RIN2: variants seen among roughly 807,000 people sequenced by gnomAD.
RIN2 encodes RAB5 interacting protein 2.
A neutral mutation model predicts 78.0 loss-of-function variants in RIN2; 36 were observed. The observed-to-expected ratio is 0.46, with a 90% confidence interval of 0.35 to 0.61. The LOEUF (loss-of-function observed/expected upper bound fraction) is 0.61, where lower values mean the gene tolerates loss of function less well. Ranked by LOEUF, RIN2 falls within the 20% of genes least tolerant of loss-of-function variation. The pLI, the probability that RIN2 is intolerant of heterozygous loss-of-function variation, is 0.00. For missense variants in RIN2, 1,087 were observed against 1,159.7 expected (o/e 0.94, Z 0.91); for synonymous variants, 466 against 466.8 (o/e 1.00, Z 0.02).
At chr20:19,762,665 C>G (rs181888631) in intron 1 of RIN2, among the ~76,000 whole-genome samples, 1 of 152,082 alleles carries the variant, frequency 6.6e-6, no homozygotes, top group Non-Finnish European at 1.5e-5. Flanking sequence ...TTAGCCAAGC[C>G]GTGGAGTTCA....
intron 3 of RIN2, among the ~76,000 whole-genome samples, chr20:19,905,737 A>G (rs1288079063): frequency 6.6e-6 from 1 of 152,222 alleles, no homozygotes. Context: ...CATCTCTAAC[A>G]AAAAACAAAT....
chr20:19,863,620 C>A (rs1353485853), intron 2 of RIN2, among the ~76,000 whole-genome samples: 1 of 152,220 alleles, frequency 6.6e-6, no homozygotes, highest in African/African-American at 2.4e-5. Flanking sequence ...TCATCCTCCT[C>A]TTTCCTGCCT....
chr20:19,758,624 C>A (rs1469079054), intron 1 of RIN2, among the ~76,000 whole-genome samples: 1 of 152,036 alleles, frequency 6.6e-6, no homozygotes, highest in African/African-American at 2.4e-5. Context: ...CTGACCTGTG[C>A]GGGGCTGGGG....
chr20:19,911,505 CA>C (rs1189186277), intron 3 of RIN2, among the ~76,000 whole-genome samples: 3 of 152,194 alleles, frequency 2.0e-5, no homozygotes, highest in Non-Finnish European at 4.4e-5. Flanking sequence ...TTCTGAGGAA[CA>C]AGGACATTCT....
rs545323465 is a variant in RIN2, at chr20:19,912,475, C to CTTTTTT, written c.58-22609_58-22604dup. On this transcript the variant is annotated intron_variant, in intron 3 of 12. Transcript: ENST00000255006. The stretch of plus-strand genomic sequence containing the variant: ...TCATTTCTTTTTTCTTTTTCTTTTT[C>CTTTTTT]TTTTTTTTTTTTTTTTTTTTGAGAT... 4.9e-3 allele frequency among the ~76,000 whole-genome samples: 540 copies of CTTTTTT among 110,812 alleles called. 2 individuals are homozygous for CTTTTTT. The highest frequency in any genetic ancestry group is 6.7e-3 in the Non-Finnish European group (383 of 57,184). 72.7% of individuals were successfully genotyped at this position (110,812 alleles called of 152,430 possible).
intron 3 of RIN2, among the ~76,000 whole-genome samples, chr20:19,923,469 T>TA (rs144067000): frequency 0.021 from 2,071 of 96,828 alleles, 53 homozygotes; most frequent in African/African-American, 0.075. Context: ...TAAAATAAAA[T>TA]AAATAAAATA....
chr20:19,816,932 T>A (rs922791263), intron 2 of RIN2, among the ~76,000 whole-genome samples: 2 of 152,198 alleles, frequency 1.3e-5, no homozygotes, highest in Non-Finnish European at 2.9e-5. Context: ...TTTATCATAA[T>A]ATACTGTGTA....
chr20:19,831,933 T>C (rs907843586), intron 2 of RIN2, among the ~76,000 whole-genome samples: 1 of 152,208 alleles, frequency 6.6e-6, no homozygotes, highest in Non-Finnish European at 1.5e-5. Flanking sequence ...GTATTGGTTC[T>C]ACCATACAGA....
At chr20:19,998,560 A>G (rs1011721178) in intron 12 of RIN2, among the ~76,000 whole-genome samples, 1 of 152,156 alleles carries the variant, frequency 6.6e-6, no homozygotes, top group African/African-American at 2.4e-5. Context: ...ACAGTGAGCC[A>G]TGATCACACC....
intron 2 of RIN2, among the ~76,000 whole-genome samples, chr20:19,845,435 G>A (rs1244360984): frequency 4.6e-5 from 7 of 152,168 alleles, no homozygotes; most frequent in Non-Finnish European, 8.8e-5. Context: ...TCTAACTGGT[G>A]TGAGATGGTA....
chr20:19,998,931 A>T (rs892008885), intron 12 of RIN2, among the ~76,000 whole-genome samples: 3 of 152,080 alleles, frequency 2.0e-5, no homozygotes, highest in African/African-American at 7.2e-5. Context: ...AGACCCTCAG[A>T]CACCATAGAG....
At chr20:19,791,988 C>T (rs73901292) in intron 1 of RIN2, among the ~76,000 whole-genome samples, 364 of 152,286 alleles carry the variant, frequency 2.4e-3, no homozygotes, top group African/African-American at 8.4e-3. Flanking sequence ...CCTTCCCTCC[C>T]CCATCCAGCT....
At chr20:19,929,551 G>A (rs1239523174) in intron 3 of RIN2, among the ~76,000 whole-genome samples, 1 of 152,020 alleles carries the variant, frequency 6.6e-6, no homozygotes, top group East Asian at 1.9e-4. Flanking sequence ...TAGTAGAGAT[G>A]GGATTTTATC....
At chr20:19,986,550 T>C (rs2042629498) in intron 9 of RIN2, among the ~76,000 whole-genome samples, 1 of 152,182 alleles carries the variant, frequency 6.6e-6, no homozygotes, top group Non-Finnish European at 1.5e-5. Context: ...AAGGGTGGAA[T>C]TCCCCTCGAA....
intron 9 of RIN2, among the ~76,000 whole-genome samples, chr20:19,976,743 G>A (rs1568693511): frequency 1.3e-5 from 2 of 152,134 alleles, no homozygotes; most frequent in South Asian, 2.1e-4. Context: ...ATTTCCAGGC[G>A]GTTCAGAAGC....
At chr20:19,883,887 G>C (rs943164135) in intron 2 of RIN2, among the ~76,000 whole-genome samples, 2 of 76,534 alleles carry the variant, frequency 2.6e-5, no homozygotes, top group Non-Finnish European at 4.9e-5. Flanking sequence ...ACACCACCTT[G>C]TTAAAAAAAA....
chr20:19,956,257 C>CAAAAAAAAAAA (rs11483774), intron 4 of RIN2, among the ~76,000 whole-genome samples: 27 of 50,316 alleles, frequency 5.4e-4, no homozygotes, highest in Non-Finnish European at 8.8e-4. Flanking sequence ...GACTCCATCT[C>CAAAAAAAAAAA]AAAAAAAAAA....
intron 2 of RIN2, among the ~76,000 whole-genome samples, chr20:19,805,474 T>A (rs2035379041): frequency 3.3e-5 from 5 of 152,196 alleles, no homozygotes; most frequent in Admixed American, 3.3e-4. Context: ...CGATCTCGGC[T>A]CACTGCAACC....
At chr20:19,889,894 C>T (rs566600220) in intron 3 of RIN2, among the ~76,000 whole-genome samples, 15 of 152,164 alleles carry the variant, frequency 9.9e-5, no homozygotes, top group Non-Finnish European at 1.6e-4. Context: ...CCGTGCTGTG[C>T]AAGACGGCTG....
Sources: allele counts gnomAD v4.1 joint callset (sites outside exome capture counted in the v4.1 genomes callset), GRCh38; gene constraint gnomAD v4.1.1; transcripts MANE v1.5; gene names NCBI Gene and HGNC (gene_info 2026-07-23, HGNC 2026-07-21).